Variants in PATJ observed in about 807,000 individuals in gnomAD.
PATJ encodes the protein PATJ crumbs cell polarity complex component, also known as inaD-like protein.
A neutral mutation model predicts 224.9 loss-of-function variants in PATJ; 190 were observed. The observed-to-expected ratio is 0.84, with a 90% CI of 0.75 to 0.95. PATJ has a LOEUF of 0.95. PATJ is among the 40% of genes least tolerant of loss of function. PATJ has a pLI of 0.00. For synonymous variants in PATJ, 769 were observed against 820.3 expected (o/e 0.94, Z 1.07); for missense variants, 2,121 against 2,270.3 (o/e 0.93, Z 1.34).
At position 62,054,316 on chromosome 1, in the gene PATJ, T is replaced by C. The variant is rs186795089; in HGVS notation, c.4125+3258T>C. 485 of 432,226 alleles carry C rather than the reference T, an allele frequency of 1.1e-3. 1 individual carries two copies. The highest frequency in any genetic ancestry group is 9.0e-3 in the African/African-American group (448 of 49,588). 26.8% of individuals were successfully genotyped at this position (432,226 alleles called of 1,614,324 possible). A position where few individuals can be genotyped will look rare whatever the true frequency, so the allele number is the denominator to read the frequency against. ...AGGTTGAGGTGGCAGTAAGCTGTGA[T>C]TGTGCCACTGCACTCCAGCCTGGGT... On this transcript the variant is annotated intron_variant, in intron 31 of 43. Coordinates refer to ENST00000642238, the MANE Select transcript of PATJ (RefSeq NM_001350145.3).
rs186971795 is a variant in PATJ, at chr1:62,003,035, T to G, written c.3867+12671T>G. 5.5e-4 allele frequency among the ~76,000 whole-genome samples: 84 copies of G among 152,304 alleles called. 1 individual carries two copies. In the South Asian group the frequency reaches 0.014, roughly 26 times the overall value. On this transcript the variant is annotated intron_variant, in intron 28 of 43. Coordinates refer to ENST00000642238, the MANE Select transcript of PATJ (RefSeq NM_001350145.3). Reference sequence around the variant, plus strand: ...TGGTCACCAGTCCTGTCTGCTTAGGTGGCTAATAATACCATTGATAGAGTT... The same window carrying G: ...TGGTCACCAGTCCTGTCTGCTTAGGGGGCTAATAATACCATTGATAGAGTT...
chr1:61,831,677 A>G (rs1271973722), intron 16 of PATJ, among the ~76,000 whole-genome samples: 1 of 152,228 alleles, frequency 6.6e-6, no homozygotes, highest in Non-Finnish European at 1.5e-5. Context: ...AAGTTAAAAA[A>G]TAACAGATGC....
At chr1:62,078,291 T>G (rs957421270) in intron 31 of PATJ, among the ~76,000 whole-genome samples, 33 of 152,178 alleles carry the variant, frequency 2.2e-4, no homozygotes, top group African/African-American at 5.3e-4. Flanking sequence ...ATGTATGTAT[T>G]TATTTTTGGA....
intron 8 of PATJ, among the ~76,000 whole-genome samples, chr1:61,789,798 T>G (rs941066199): frequency 2.6e-5 from 4 of 151,966 alleles, no homozygotes; most frequent in African/African-American, 9.7e-5. Context: ...GGTGACAGAG[T>G]GAGACTCTGT....
intron 14 of PATJ, among the ~76,000 whole-genome samples, chr1:61,818,458 G>A (rs1203250298): frequency 6.6e-6 from 1 of 152,186 alleles, no homozygotes; most frequent in Non-Finnish European, 1.5e-5. Flanking sequence ...GAAAGGGGTG[G>A]ACAACTAAAA....
chr1:62,135,279 G>T (rs1205700953), intron 41 of PATJ, among the ~76,000 whole-genome samples: 2 of 152,090 alleles, frequency 1.3e-5, no homozygotes, highest in Non-Finnish European at 2.9e-5. Flanking sequence ...CACTTTGGGA[G>T]GCCGAGGTGG....
intron 31 of PATJ, chr1:62,078,736 A>G (rs977007326): frequency 6.6e-6 from 1 of 152,192 alleles, no homozygotes; most frequent in African/African-American, 2.4e-5. Context: ...TCATGTCTTC[A>G]GTTTTGCTTT....
intron 29 of PATJ, among the ~76,000 whole-genome samples, chr1:62,019,894 C>T (rs7535141): frequency 0.047 from 7,154 of 152,104 alleles, 562 homozygotes; most frequent in African/African-American, 0.16. Flanking sequence ...GGGGGCCAGG[C>T]GCGGTGGCTT....
intron 28 of PATJ, 197 bp downstream of exon 28, chr1:61,990,561 C>T: frequency 2.4e-6 from 1 of 423,196 alleles, no homozygotes; most frequent in East Asian, 3.6e-5. Context: ...AAAAACTAAT[C>T]TCACAGAATA....
intron 27 of PATJ, among the ~76,000 whole-genome samples, chr1:61,961,183 T>C (rs1681221673): frequency 6.6e-6 from 1 of 152,134 alleles, no homozygotes; most frequent in African/African-American, 2.4e-5. Flanking sequence ...TAAAGGCCTT[T>C]GATCAAAGAA....
At chr1:61,814,108 C>A (rs1410589788) in intron 14 of PATJ, among the ~76,000 whole-genome samples, 1 of 150,372 alleles carries the variant, frequency 6.7e-6, no homozygotes, top group East Asian at 1.9e-4. Flanking sequence ...AAAAGAGTCA[C>A]CCAAAATTAC....
At chr1:61,896,070 G>A (rs905801236) in intron 22 of PATJ, among the ~76,000 whole-genome samples, 1 of 152,170 alleles carries the variant, frequency 6.6e-6, no homozygotes, top group Non-Finnish European at 1.5e-5. Flanking sequence ...GCTGAGGCAG[G>A]CAAATCACCT....
At chr1:61,824,367 CT>C (rs35999250) in intron 15 of PATJ, among the ~76,000 whole-genome samples, 1,664 of 134,910 alleles carry the variant, frequency 0.012, 19 homozygotes, top group African/African-American at 0.034. Flanking sequence ...ACCCGGTCCA[CT>C]TTTTTTTTTT....
At chr1:61,927,675 G>T in intron 26 of PATJ, 55 bp from the exon 27 acceptor site, 1 of 1,090,918 alleles carries the variant, frequency 9.2e-7, no homozygotes, top group Non-Finnish European at 1.4e-6. Flanking sequence ...TGTCATTGAA[G>T]AAAGAGCATT....
intron 41 of PATJ, among the ~76,000 whole-genome samples, chr1:62,143,438 A>ATTTTTTTTTTTTTTTTTTTTT (rs34127211): frequency 4.0e-5 from 3 of 74,324 alleles, no homozygotes; most frequent in East Asian, 1.0e-3. Flanking sequence ...TAAGCTGGGA[A>ATTTTTTTTTTTTTTTTTTTTT]TTTTTTTTTT....
At chr1:62,116,328 A>G (rs535726750) in intron 35 of PATJ, among the ~76,000 whole-genome samples, 5 of 152,242 alleles carry the variant, frequency 3.3e-5, no homozygotes, top group Non-Finnish European at 7.3e-5. Flanking sequence ...ATGAAACATC[A>G]TAGAATAGTA....
rs1433056048 is a variant in PATJ at position 61,819,664 on chromosome 1, A to G, written c.1684-3281A>G. ...CAGCTCCAATTTGTAGCATGTACCAATATCTGTGGTGTAAATACTCCCACC... is the reference window on the plus strand; with the variant it reads ...CAGCTCCAATTTGTAGCATGTACCAGTATCTGTGGTGTAAATACTCCCACC... On this transcript the variant is annotated intron_variant, in intron 14 of 43. Transcript: ENST00000642238. Among the ~76,000 whole-genome samples the G allele has an allele frequency of 2.0e-5, 3 of 152,168 alleles. No homozygotes were observed. In the East Asian group the frequency reaches 5.8e-4, roughly 29 times the overall value.
At chr1:61,808,452 GA>G in intron 13 of PATJ, 21 bp from the exon 14 acceptor site, 2 of 1,524,634 alleles carry the variant, frequency 1.3e-6, no homozygotes, top group South Asian at 1.1e-5. Context: ...ACAAATACTG[GA>G]AATTTTTTTT....
At chr1:62,024,280 GTTC>G (rs1429309772) in intron 29 of PATJ, among the ~76,000 whole-genome samples, 1 of 152,104 alleles carries the variant, frequency 6.6e-6, no homozygotes, top group Non-Finnish European at 1.5e-5. Context: ...ATTGGTATCA[GTTC>G]TTCTTTGTAC....
Sources: allele counts gnomAD v4.1 joint callset (sites outside exome capture counted in the v4.1 genomes callset), GRCh38; gene constraint gnomAD v4.1.1; transcripts MANE v1.5; gene names NCBI Gene and HGNC (gene_info 2026-07-23, HGNC 2026-07-21).